The following KCNG3 variants were observed in gnomAD, a reference collection of about 807,000 sequenced individuals.
KCNG3 encodes the protein potassium voltage-gated channel modifier subfamily G member 3, also known as voltage-gated potassium channel regulatory subunit KCNG3.
Under a neutral mutation model 29.0 loss-of-function variants are expected in KCNG3, and 15 were observed. The observed-to-expected ratio is 0.52, with a 90% CI of 0.35 to 0.80. KCNG3 has a LOEUF of 0.80. Among genes scored for constraint, KCNG3 ranks in the 30% least tolerant of loss-of-function variants. The pLI is 0.01. For missense variants in KCNG3, 512 were observed against 605.7 expected (o/e 0.85, Z 1.62); for synonymous variants, 322 against 248.9 (o/e 1.29, Z -2.76).
At position 42,493,232 on chromosome 2, in the gene KCNG3, G is replaced by A. The variant is rs1558393438; in HGVS notation, c.270C>T (p.Cys90=). 1.2e-6 allele frequency: 2 copies of A among 1,611,722 alleles called. No homozygotes were observed. Among genetic ancestry groups the A allele is most frequent in the Non-Finnish European group, 1.7e-6 (2 of 1,179,872 alleles). ...HGKLRFAPRM[C]ELSFYNEMIY... is the part of the protein sequence containing the mutation. ...TCATCTCGTTGTAGAAGGAGAGCTCGCACATCCGCGGCGCGAAGCGCAGCT... is the reference window on the plus strand; with the variant it reads ...TCATCTCGTTGTAGAAGGAGAGCTCACACATCCGCGGCGCGAAGCGCAGCT... Residue 90 remains cysteine, a synonymous_variant, in exon 1 of 2, where the codon TGC becomes TGT. Coordinates refer to ENST00000306078, the MANE Select transcript of KCNG3 (RefSeq NM_133329.6).
In KCNG3 at chr2:42,451,204, C is replaced by CAAAA. The variant is rs67651134; in HGVS notation, c.666-6629_666-6626dup. ...TGGGTGACAGAGCAAGACTCCAACT[C>CAAAA]AAAAAAAAAAAAAAAAAAAAAAAAA... On this transcript the variant is annotated intron_variant, in intron 1 of 1. Transcript: ENST00000306078. Among the ~76,000 whole-genome samples, 162 of 60,960 alleles carry CAAAA rather than the reference C, an allele frequency of 2.7e-3. 1 individual carries two copies. Among genetic ancestry groups the CAAAA allele is most frequent in the East Asian group, 3.7e-3 (6 of 1,622 alleles). The allele number at this position is 60,960 out of a possible 152,430, so 40.0% of individuals were successfully genotyped here.
chr2:42,404,641 T>C, the KCNG3 span, among the ~76,000 whole-genome samples: 5 of 151,926 alleles, frequency 3.3e-5, no homozygotes, highest in East Asian at 3.9e-4. Flanking sequence ...AGTGGGAGGA[T>C]TGCTTCAGCC....
chr2:42,416,306 T>C, the KCNG3 span, among the ~76,000 whole-genome samples: 1 of 152,256 alleles, frequency 6.6e-6, no homozygotes, highest in East Asian at 1.9e-4. Flanking sequence ...AACAATAATA[T>C]ATTGTATATT....
chr2:42,477,388 T>TACACACACACAC (rs1210808896), intron 1 of KCNG3, among the ~76,000 whole-genome samples: 65 of 104,782 alleles, frequency 6.2e-4, no homozygotes, highest in African/African-American at 2.5e-3. Flanking sequence ...CACATATATA[T>TACACACACACAC]ACACACACAC....
chr2:42,457,663 AC>A, intron 1 of KCNG3, among the ~76,000 whole-genome samples: 1 of 149,526 alleles, frequency 6.7e-6, no homozygotes, highest in East Asian at 2.0e-4. Flanking sequence ...ACACACACAC[AC>A]ACACAAGGCT....
chr2:42,460,295 G>A (rs1040868665), intron 1 of KCNG3, among the ~76,000 whole-genome samples: 2 of 151,980 alleles, frequency 1.3e-5, no homozygotes, highest in South Asian at 2.1e-4. Context: ...AGGCTGCAGT[G>A]AGTCATGATT....
chr2:42,486,483 C>T (rs1384796825), intron 1 of KCNG3, among the ~76,000 whole-genome samples: 1 of 152,220 alleles, frequency 6.6e-6, no homozygotes, highest in South Asian at 2.1e-4. Flanking sequence ...CTCCCTGTCA[C>T]ATTTGGAAGA....
chr2:42,463,049 C>A, intron 1 of KCNG3: 1 of 160,338 alleles, frequency 6.2e-6, no homozygotes. Context: ...ATACTTGCAT[C>A]TCAAATATAT....
At chr2:42,398,539 A>C in the KCNG3 span, among the ~76,000 whole-genome samples, 14 of 152,192 alleles carry the variant, frequency 9.2e-5, no homozygotes, top group African/African-American at 3.4e-4. Context: ...CAGATTAAAT[A>C]AACCGTCTTC....
chr2:42,404,586 G>A, the KCNG3 span, among the ~76,000 whole-genome samples: 66 of 152,170 alleles, frequency 4.3e-4, no homozygotes, highest in African/African-American at 1.5e-3. Flanking sequence ...AAAATTAGCC[G>A]GGCGTCGTGG....
the KCNG3 span, among the ~76,000 whole-genome samples, chr2:42,396,462 C>A: frequency 6.6e-6 from 1 of 152,100 alleles, no homozygotes; most frequent in South Asian, 2.1e-4. Context: ...ATAAAAAGTC[C>A]AACCAACCAA....
intron 1 of KCNG3, among the ~76,000 whole-genome samples, chr2:42,472,317 G>A (rs561707262): frequency 6.6e-6 from 1 of 152,180 alleles, no homozygotes; most frequent in South Asian, 2.1e-4. Flanking sequence ...GGCAAGCTCT[G>A]GACTCCATTG....
the KCNG3 span, among the ~76,000 whole-genome samples, chr2:42,403,653 C>T: frequency 6.0e-4 from 88 of 146,054 alleles, no homozygotes; most frequent in African/African-American, 2.1e-3. Context: ...TTAGTAGAGA[C>T]GGGGTTTCAC....
At chr2:42,409,570 G>A in the KCNG3 span, among the ~76,000 whole-genome samples, 1 of 151,450 alleles carries the variant, frequency 6.6e-6, no homozygotes. Flanking sequence ...CAGGCATGGT[G>A]GTGTGCACCT....
intron 1 of KCNG3, among the ~76,000 whole-genome samples, chr2:42,481,437 G>A (rs1471233392): frequency 6.6e-6 from 1 of 152,124 alleles, no homozygotes; most frequent in Non-Finnish European, 1.5e-5. Flanking sequence ...ATCTCTTACT[G>A]AGGTTCTAAC....
intron 1 of KCNG3, chr2:42,469,978 G>C (rs1190382858): frequency 5.6e-5 from 26 of 465,372 alleles, no homozygotes; most frequent in Non-Finnish European, 1.6e-5. Flanking sequence ...GATACAGAGA[G>C]ACACATGGTG....
At chr2:42,411,763 A>G in the KCNG3 span, among the ~76,000 whole-genome samples, 1 of 152,202 alleles carries the variant, frequency 6.6e-6, no homozygotes, top group East Asian at 1.9e-4. Context: ...AATTACAGGC[A>G]TGAGCTACTG....
the KCNG3 span, among the ~76,000 whole-genome samples, chr2:42,414,549 TTTTC>T: frequency 2.6e-5 from 4 of 151,648 alleles, no homozygotes; most frequent in South Asian, 6.2e-4. Flanking sequence ...ATGTACTTTC[TTTTC>T]TTTTTTTTTT....
At chr2:42,404,653 G>A in the KCNG3 span, among the ~76,000 whole-genome samples, 12 of 152,106 alleles carry the variant, frequency 7.9e-5, no homozygotes, top group African/African-American at 1.4e-4. Context: ...GCTTCAGCCC[G>A]GGAGGCGGAG....
Sources: allele counts gnomAD v4.1 joint callset (sites outside exome capture counted in the v4.1 genomes callset), GRCh38; gene constraint gnomAD v4.1.1; transcripts MANE v1.5; gene names NCBI Gene and HGNC (gene_info 2026-07-23, HGNC 2026-07-21).